The following RILPL2 variants were observed in gnomAD, a reference collection of about 807,000 sequenced individuals.
RILPL2 encodes the protein Rab interacting lysosomal protein like 2.
In RILPL2, 19 loss-of-function variants were observed where a neutral mutation model predicts 22.2. The ratio of observed to expected loss-of-function variants is 0.86; its 90% CI spans 0.60 to 1.25. RILPL2 has a LOEUF of 1.25. RILPL2 is among the 50% of genes most tolerant of loss of function. The pLI, the probability that RILPL2 is intolerant of heterozygous loss-of-function variation, is 0.00. For synonymous variants in RILPL2, 123 were observed against 111.6 expected, an observed-to-expected ratio of 1.10 and a Z score of -0.64; for missense variants, 243 against 263.6, an observed-to-expected ratio of 0.92 and a Z score of 0.54.
At chr12:123,414,294 C>T (rs958242248), downstream of RILPL2, 8 of 154,746 alleles carry the variant, frequency 5.2e-5, no homozygotes, top group South Asian at 2.0e-4. Flanking sequence ...AGAAATCGAG[C>T]GCAGCGCCGG....
chr12:123,435,248 G>A (rs1274107294), intron 1 of RILPL2, among the ~76,000 whole-genome samples: 3 of 151,738 alleles, frequency 2.0e-5, no homozygotes, highest in Admixed American at 6.6e-5. Context: ...TTACATCTGT[G>A]AGATTCATTC....
rs1446265455 is a variant in RILPL2 at position 123,423,025 on chromosome 12, G to T, written c.605+19C>A. The T allele has an allele frequency of 3.2e-6, 5 of 1,546,492 alleles. No individual in the cohort carries two copies. Among genetic ancestry groups the T allele is most frequent in the African/African-American group, 1.4e-5 (1 of 73,452 alleles). On this transcript the variant is annotated intron_variant, in intron 3 of 3. Coordinates refer to ENST00000280571, the MANE Select transcript of RILPL2 (RefSeq NM_145058.3). ...AGTTATTATTTGGCGGGACCGGGGG[G>T]CAGCAAGGTGACACTTACAGCTTTT...
chr12:123,434,993 G>A (rs1384697376), intron 1 of RILPL2, among the ~76,000 whole-genome samples: 2 of 145,828 alleles, frequency 1.4e-5, no homozygotes, highest in African/African-American at 5.1e-5. Context: ...TGGCCAACAT[G>A]GTGAAACCCC....
intron 3 of RILPL2, among the ~76,000 whole-genome samples, chr12:123,422,719 T>C (rs1416273042): frequency 6.6e-6 from 1 of 152,086 alleles, no homozygotes; most frequent in East Asian, 1.9e-4. Context: ...CTTCCTTGGG[T>C]TCCTGACTTC....
At chr12:123,427,088 T>C (rs185318325) in intron 2 of RILPL2, among the ~76,000 whole-genome samples, 106 of 152,100 alleles carry the variant, frequency 7.0e-4, no homozygotes, top group Non-Finnish European at 1.3e-3. Flanking sequence ...ACTGAGACTA[T>C]AGGTGCACAC....
At position 123,420,027 on chromosome 12, in the gene RILPL2, T is replaced by TC. The variant is rs1593488320; in HGVS notation, c.605+3016_605+3017insG. Among the ~76,000 whole-genome samples the TC allele has an allele frequency of 4.2e-5, 6 of 143,248 alleles. No homozygotes were observed. The East Asian group carries it at 6.1e-4, about 15-fold the overall frequency. The allele number at this position is 143,248 out of a possible 152,430, so 94.0% of individuals were successfully genotyped here. On this transcript the variant is annotated intron_variant, in intron 3 of 3. Coordinates refer to ENST00000280571, the MANE Select transcript of RILPL2 (RefSeq NM_145058.3). ...TTTTAGTAGAGACGGGGTTTCTTTT[T>TC]TTTTTTTTTTTTTTTGAGACAGAGT...
downstream of RILPL2, chr12:123,412,376 A>C (rs928966356): frequency 6.6e-6 from 1 of 152,280 alleles, no homozygotes; most frequent in Non-Finnish European, 1.5e-5. Context: ...CCTGGGCTCA[A>C]GCAATCCTCT....
chr12:123,431,594 CGGGCGGATCACCA>C (rs549433573), intron 1 of RILPL2, among the ~76,000 whole-genome samples: 18 of 151,944 alleles, frequency 1.2e-4, no homozygotes, highest in Non-Finnish European at 2.5e-4. Flanking sequence ...GAGGCCGAGG[CGGGCGGATCACCA>C]GGTCAGGAGA....
intron 2 of RILPL2, among the ~76,000 whole-genome samples, chr12:123,429,681 A>G (rs1392888016): frequency 6.6e-6 from 1 of 150,516 alleles, no homozygotes; most frequent in Admixed American, 6.6e-5. Flanking sequence ...ATCTCGGCTC[A>G]TTGCAACTTC....
intron 2 of RILPL2, among the ~76,000 whole-genome samples, chr12:123,424,478 T>G (rs2139241316): frequency 6.6e-6 from 1 of 152,022 alleles, no homozygotes; most frequent in East Asian, 1.9e-4. Flanking sequence ...ATTACAGGTG[T>G]GCACCACCAC....
downstream of RILPL2, chr12:123,413,090 G>T (rs1451317933): frequency 1.3e-5 from 2 of 152,966 alleles, no homozygotes; most frequent in Admixed American, 1.3e-4. Flanking sequence ...CAGCTAGTCG[G>T]GAGGCTGAGG....
chr12:123,411,952 G>A (rs1878987302), downstream of RILPL2: 1 of 152,134 alleles, frequency 6.6e-6, no homozygotes, highest in African/African-American at 2.4e-5. Context: ...CCATCTCTAG[G>A]AGAATCACCC....
intron 3 of RILPL2, 78 bp downstream of exon 3, chr12:123,422,966 G>T (rs1879324532): frequency 1.9e-6 from 2 of 1,029,328 alleles, no homozygotes; most frequent in Non-Finnish European, 1.5e-6. Flanking sequence ...CTGGGCAGCT[G>T]GTCAGCCTCT....
intron 1 of RILPL2, 126 bp downstream of exon 1, chr12:123,435,956 C>G: frequency 4.5e-6 from 6 of 1,325,026 alleles, no homozygotes; most frequent in Non-Finnish European, 6.0e-6. Context: ...AGCGAGATCC[C>G]ATCTCTTAAA....
chr12:123,423,052 T>A lies in RILPL2; in HGVS notation c.597A>T (p.Ile199=), dbSNP rs146125088. 53 of 1,611,898 alleles carry A rather than the reference T, an allele frequency of 3.3e-5. No individual in the cohort carries two copies. The highest frequency in any genetic ancestry group is 4.3e-5 in the Non-Finnish European group (51 of 1,178,326). Residue 199 remains isoleucine, a synonymous_variant, in exon 3 of 4, where the codon ATA becomes ATT. Transcript: ENST00000280571. ...AGRNKEEKTI[I]KKLFFFRSGK... ...AGCAAGGTGACACTTACAGCTTTTTTATGATTGTCTTCTCCTCCTTGTTCC... is the reference window on the plus strand; with the variant it reads ...AGCAAGGTGACACTTACAGCTTTTTAATGATTGTCTTCTCCTCCTTGTTCC...
chr12:123,419,172 G>A (rs1160354578), intron 3 of RILPL2, among the ~76,000 whole-genome samples: 4 of 151,282 alleles, frequency 2.6e-5, no homozygotes, highest in South Asian at 2.1e-4. Context: ...TACCATGCCC[G>A]GCTAATTTTT....
At chr12:123,423,333 C>T (rs938231778) in intron 2 of RILPL2, among the ~76,000 whole-genome samples, 176 bp from the exon 3 acceptor site, 2 of 151,158 alleles carry the variant, frequency 1.3e-5, no homozygotes, top group East Asian at 2.0e-4. Context: ...TCCTGAATAG[C>T]TAGGACTACA....
At chr12:123,417,710 T>C (rs962220835) in intron 3 of RILPL2, among the ~76,000 whole-genome samples, 3 of 152,184 alleles carry the variant, frequency 2.0e-5, no homozygotes, top group African/African-American at 7.2e-5. Context: ...CTCAGCCTCC[T>C]GAGTAGCTGG....
At chr12:123,418,426 A>C (rs1020187654) in intron 3 of RILPL2, among the ~76,000 whole-genome samples, 1 of 152,106 alleles carries the variant, frequency 6.6e-6, no homozygotes, top group Non-Finnish European at 1.5e-5. Flanking sequence ...TGATCATAGC[A>C]CATATAGCTA....
Sources: allele counts gnomAD v4.1 joint callset (sites outside exome capture counted in the v4.1 genomes callset), GRCh38; gene constraint gnomAD v4.1.1; transcripts MANE v1.5; gene names NCBI Gene and HGNC (gene_info 2026-07-23, HGNC 2026-07-21).